Variants in RGS6 observed in about 807,000 individuals in gnomAD.
RGS6 encodes regulator of G protein signaling 6.
A neutral mutation model predicts 78.5 loss-of-function variants in RGS6; 30 were observed. The observed-to-expected ratio is 0.38, with a 90% CI of 0.29 to 0.52. RGS6 has a LOEUF of 0.52. RGS6 is among the 20% of genes least tolerant of loss of function. The pLI, the probability that RGS6 is intolerant of heterozygous loss-of-function variation, is 0.85. For synonymous variants in RGS6, 206 were observed against 206.0 expected (o/e 1.00, Z 0.00); for missense variants, 495 against 609.7 (o/e 0.81, Z 1.98).
At chr14:72,551,142 T>G (rs532109401) in intron 17 of RGS6, among the ~76,000 whole-genome samples, 3 of 151,738 alleles carry the variant, frequency 2.0e-5, no homozygotes, top group African/African-American at 7.3e-5. Context: ...GCCCAGCTCA[T>G]AGCTTTCTTG....
At chr14:72,135,191 G>A (rs575799553) in intron 2 of RGS6, among the ~76,000 whole-genome samples, 1 of 152,278 alleles carries the variant, frequency 6.6e-6, no homozygotes, top group Non-Finnish European at 1.5e-5. Flanking sequence ...CCCTTGGATA[G>A]GGTCAGTGTC....
chr14:71,978,053 GCTCT>G (rs1337233132), intron 2 of RGS6, among the ~76,000 whole-genome samples: 2 of 150,918 alleles, frequency 1.3e-5, no homozygotes, highest in African/African-American at 2.4e-5. Flanking sequence ...TCATGATTTG[GCTCT>G]CTGTTTGTCT....
At chr14:72,300,999 A>G (rs1048849919) in intron 2 of RGS6, among the ~76,000 whole-genome samples, 1 of 152,236 alleles carries the variant, frequency 6.6e-6, no homozygotes, top group Non-Finnish European at 1.5e-5. Context: ...TTAGAGGGGG[A>G]AAATATGATT....
rs548132418 is a variant in RGS6, at chr14:72,441,844, G to T, written c.185-12684G>T. Among the ~76,000 whole-genome samples the T allele has an allele frequency of 6.6e-5, 10 of 152,348 alleles. 1 individual carries two copies. Among genetic ancestry groups the T allele is most frequent in the Admixed American group, 5.9e-4 (9 of 15,308 alleles). ...CACACCAAGCCCTTCTGGATAGGAG[G>T]CCCCCAGCAGTGGAGGGATGGGGGC... On this transcript the variant is annotated intron_variant, in intron 3 of 17. Coordinates refer to ENST00000553525, the MANE Select transcript of RGS6 (RefSeq NM_001204424.2).
chr14:72,388,265 TATACAC>T (rs2088885253), intron 3 of RGS6, among the ~76,000 whole-genome samples: 1 of 152,022 alleles, frequency 6.6e-6, no homozygotes. Context: ...TATATACACA[TATACAC>T]ATATATATAC....
intron 12 of RGS6, among the ~76,000 whole-genome samples, chr14:72,489,025 G>A (rs916720757): frequency 3.9e-5 from 6 of 152,128 alleles, no homozygotes; most frequent in African/African-American, 7.2e-5. Flanking sequence ...CCCCAATAAC[G>A]TAATTAATTA....
chr14:72,213,512 G>C (rs555076029), intron 2 of RGS6, among the ~76,000 whole-genome samples: 3 of 152,062 alleles, frequency 2.0e-5, no homozygotes, highest in Non-Finnish European at 4.4e-5. Context: ...TGATTTGACC[G>C]CTGTAGTGAA....
At chr14:72,193,926 T>C (rs1376535137) in intron 2 of RGS6, among the ~76,000 whole-genome samples, 1 of 152,132 alleles carries the variant, frequency 6.6e-6, no homozygotes, top group African/African-American at 2.4e-5. Context: ...GCTGCTCATA[T>C]CTGTTCTGGA....
intron 14 of RGS6, 136 bp from the exon 15 acceptor site, chr14:72,518,215 G>C: frequency 2.8e-6 from 2 of 726,902 alleles, no homozygotes; most frequent in East Asian, 5.1e-5. Flanking sequence ...GGTCTTTGCA[G>C]CTCATGTAGT....
At chr14:72,136,263 A>C (rs946467699) in intron 2 of RGS6, among the ~76,000 whole-genome samples, 1 of 152,162 alleles carries the variant, frequency 6.6e-6, no homozygotes, top group African/African-American at 2.4e-5. Context: ...ACTAGAAAGA[A>C]GGAACTGAGA....
chr14:72,400,626 T>C (rs1446167763), intron 3 of RGS6, among the ~76,000 whole-genome samples: 1 of 152,260 alleles, frequency 6.6e-6, no homozygotes, highest in Non-Finnish European at 1.5e-5. Context: ...TTCTGTTCAG[T>C]AACCATAAGC....
At chr14:72,530,606 G>GC (rs201911268) in intron 15 of RGS6, among the ~76,000 whole-genome samples, 1,667 of 152,262 alleles carry the variant, frequency 0.011, 31 homozygotes, top group African/African-American at 0.038. Flanking sequence ...CAGGAGGATT[G>GC]CTTGAACCCG....
chr14:72,174,176 C>G (rs1271853195), intron 2 of RGS6, among the ~76,000 whole-genome samples: 1 of 152,214 alleles, frequency 6.6e-6, no homozygotes, highest in Admixed American at 6.5e-5. Flanking sequence ...GGCACGATCT[C>G]AGCTCACTGC....
intron 2 of RGS6, among the ~76,000 whole-genome samples, chr14:72,094,936 C>T (rs921109883): frequency 1.3e-5 from 2 of 152,128 alleles, no homozygotes; most frequent in Non-Finnish European, 2.9e-5. Flanking sequence ...CCACAAATCA[C>T]TCTGATATGT....
intron 2 of RGS6, among the ~76,000 whole-genome samples, chr14:72,018,933 C>T (rs1309100129): frequency 1.3e-5 from 2 of 152,054 alleles, no homozygotes; most frequent in African/African-American, 2.4e-5. Context: ...TTTCCAGGTG[C>T]TTGTAGGAGG....
At chr14:72,180,391 G>A (rs1481182301) in intron 2 of RGS6, among the ~76,000 whole-genome samples, 1 of 152,204 alleles carries the variant, frequency 6.6e-6, no homozygotes, top group African/African-American at 2.4e-5. Context: ...TGAATAGAAT[G>A]GGAAATGAAT....
chr14:72,170,828 A>T (rs1457837831), intron 2 of RGS6, among the ~76,000 whole-genome samples: 1 of 152,178 alleles, frequency 6.6e-6, no homozygotes, highest in African/African-American at 2.4e-5. Flanking sequence ...GGAGAGATTT[A>T]CTGATTTATA....
chr14:71,877,480 C>G, the RGS6 span, among the ~76,000 whole-genome samples: 1 of 152,220 alleles, frequency 6.6e-6, no homozygotes, highest in Non-Finnish European at 1.5e-5. Flanking sequence ...ACTACTGAAG[C>G]TTGTGCATGC....
At chr14:72,163,182 C>T (rs1204696181) in intron 2 of RGS6, among the ~76,000 whole-genome samples, 3 of 151,832 alleles carry the variant, frequency 2.0e-5, no homozygotes, top group Non-Finnish European at 2.9e-5. Flanking sequence ...CCACCTGTTT[C>T]CCAAAAACCA....
Sources: allele counts gnomAD v4.1 joint callset (sites outside exome capture counted in the v4.1 genomes callset), GRCh38; gene constraint gnomAD v4.1.1; transcripts MANE v1.5; gene names NCBI Gene and HGNC (gene_info 2026-07-23, HGNC 2026-07-21).